RAMP3: variants seen among roughly 807,000 people sequenced by gnomAD.
RAMP3 encodes the protein receptor activity-modifying protein 3.
A neutral mutation model predicts 13.5 loss-of-function variants in RAMP3; 14 were observed. The ratio of observed to expected loss-of-function variants is 1.04; its 90% confidence interval spans 0.69 to 1.63. RAMP3 has a LOEUF of 1.63. Ranked by LOEUF, RAMP3 falls within the 40% of genes most tolerant of loss-of-function variation. RAMP3 has a pLI of 0.00. For synonymous variants in RAMP3, 106 were observed against 88.3 expected, an observed-to-expected ratio of 1.20 and a Z score of -1.12; for missense variants, 200 against 204.8, an observed-to-expected ratio of 0.98 and a Z score of 0.14.
At chr7:45,165,409 T>C (rs1486033635) in intron 1 of RAMP3, among the ~76,000 whole-genome samples, 3 of 152,254 alleles carry the variant, frequency 2.0e-5, no homozygotes, top group Non-Finnish European at 2.9e-5. Flanking sequence ...TTCCTTTGCA[T>C]AGGTCCATAT....
intron 1 of RAMP3, among the ~76,000 whole-genome samples, chr7:45,169,656 G>A (rs567308772): frequency 6.6e-6 from 1 of 152,252 alleles, no homozygotes; most frequent in African/African-American, 2.4e-5. Context: ...GCTTGCAGTA[G>A]CATCACTCCC....
chr7:45,177,168 G>A, intron 1 of RAMP3, 141 bp from the exon 2 acceptor site: 1 of 1,093,360 alleles, frequency 9.1e-7, no homozygotes. Context: ...GGTGGAGGGT[G>A]AAGGACTCCG....
chr7:45,164,593 CTTT>C (rs1353453545), intron 1 of RAMP3, among the ~76,000 whole-genome samples: 2 of 151,814 alleles, frequency 1.3e-5, no homozygotes, highest in African/African-American at 4.8e-5. Flanking sequence ...TTGTCATTTT[CTTT>C]TTGTAGTTCT....
intron 1 of RAMP3, among the ~76,000 whole-genome samples, chr7:45,164,866 G>A (rs531110652): frequency 2.6e-5 from 4 of 152,096 alleles, no homozygotes; most frequent in African/African-American, 9.7e-5. Flanking sequence ...TTGGATTCTT[G>A]TTGGCAGCCT....
intron 1 of RAMP3, among the ~76,000 whole-genome samples, chr7:45,175,654 G>A (rs1166789632): frequency 6.6e-6 from 1 of 152,092 alleles, no homozygotes; most frequent in Admixed American, 6.5e-5. Context: ...CCTCTGTGGG[G>A]TTCCAGCTAA....
At position 45,183,772 on chromosome 7, in the gene RAMP3, A is replaced by G. The variant is rs934028783; in HGVS notation, c.*360A>G. ...TGTTTCTTAGCACAGAATCCAGCCTAGCCTTAGCCGCAGTCTAGGCCCTGC... is the reference window on the plus strand; with the variant it reads ...TGTTTCTTAGCACAGAATCCAGCCTGGCCTTAGCCGCAGTCTAGGCCCTGC... On this transcript the variant is annotated 3_prime_UTR_variant, in exon 3 of 3. Coordinates refer to ENST00000242249, the MANE Select transcript of RAMP3 (RefSeq NM_005856.3). 5.6e-6 allele frequency: 3 copies of G among 539,848 alleles called. No individual in the cohort carries two copies. Among genetic ancestry groups the G allele is most frequent in the Non-Finnish European group, 9.8e-6 (3 of 305,280 alleles). The allele number at this position is 539,848 out of a possible 1,614,324, so 33.4% of individuals were successfully genotyped here.
At chr7:45,176,117 A>G (rs932962971) in intron 1 of RAMP3, among the ~76,000 whole-genome samples, 6 of 152,124 alleles carry the variant, frequency 3.9e-5, no homozygotes, top group African/African-American at 1.4e-4. Context: ...ATTTCAGACT[A>G]AGTTAGCCAG....
At position 45,177,415 on chromosome 7, in the gene RAMP3, G is replaced by A. The variant is rs574666147; in HGVS notation, c.165G>A (p.Lys55=). 5.3e-5 allele frequency: 86 copies of A among 1,614,140 alleles called. 2 individuals carry two copies. In the Middle Eastern group the frequency reaches 9.9e-4, roughly 19 times the overall value. ...TGATGGGCAAGGTGGACGTCTGGAA[G>A]TGGTGCAACCTGTCCGAGTTCATCG... ...ADMMGKVDVW[K]WCNLSEFIVY... is the part of the protein sequence containing the mutation. The change falls in exon 2 of 3, where the codon AAG becomes AAA. Residue 55 remains lysine, a synonymous_variant. Transcript: ENST00000242249.
chr7:45,163,009 G>T (rs1785893178), intron 1 of RAMP3, among the ~76,000 whole-genome samples: 1 of 152,232 alleles, frequency 6.6e-6, no homozygotes, highest in African/African-American at 2.4e-5. Flanking sequence ...ATTGCTTGAG[G>T]TCTTCAGGTG....
intron 2 of RAMP3, 141 bp downstream of exon 2, chr7:45,177,582 G>A (rs1786218016): frequency 3.4e-5 from 43 of 1,260,874 alleles, no homozygotes; most frequent in Non-Finnish European, 1.6e-5. Context: ...GCCACCCACA[G>A]CCCTTTCATG....
At chr7:45,166,499 T>C (rs1321651426) in intron 1 of RAMP3, among the ~76,000 whole-genome samples, 1 of 152,204 alleles carries the variant, frequency 6.6e-6, no homozygotes, top group African/African-American at 2.4e-5. Context: ...CCATTTTTAA[T>C]TGCTTTATTT....
chr7:45,164,681 T>G (rs892384396), intron 1 of RAMP3, among the ~76,000 whole-genome samples: 2 of 152,272 alleles, frequency 1.3e-5, no homozygotes, highest in African/African-American at 4.8e-5. Context: ...CTTGATGAAT[T>G]GAGCCCTTTA....
chr7:45,164,156 G>C (rs1785915872), intron 1 of RAMP3, among the ~76,000 whole-genome samples: 1 of 152,088 alleles, frequency 6.6e-6, no homozygotes, highest in Non-Finnish European at 1.5e-5. Flanking sequence ...CTGTGCTCCT[G>C]CCTGTGCCCT....
At chr7:45,177,771 C>G (rs1189222470) in intron 2 of RAMP3, among the ~76,000 whole-genome samples, 2 of 152,218 alleles carry the variant, frequency 1.3e-5, no homozygotes, top group South Asian at 2.1e-4. Context: ...TCCTACCCCC[C>G]ATTCCGCATC....
intron 2 of RAMP3, 70 bp downstream of exon 2, chr7:45,177,511 C>CT (rs1287358196): frequency 6.9e-6 from 11 of 1,599,352 alleles, no homozygotes; most frequent in Non-Finnish European, 9.4e-6. Context: ...CACTGCCTGA[C>CT]CACAGCCTGA....
At chr7:45,178,692 C>T (rs1419006569) in intron 2 of RAMP3, among the ~76,000 whole-genome samples, 1 of 152,228 alleles carries the variant, frequency 6.6e-6, no homozygotes, top group African/African-American at 2.4e-5. Flanking sequence ...CTGGAATGGA[C>T]CCACTGGTGG....
intron 1 of RAMP3, among the ~76,000 whole-genome samples, chr7:45,167,598 T>C (rs2128656187): frequency 6.6e-6 from 1 of 151,896 alleles, no homozygotes; most frequent in African/African-American, 2.4e-5. Flanking sequence ...AGTTTCATTC[T>C]TGTTGCCCAG....
chr7:45,161,677 G>A (rs948444791), intron 1 of RAMP3, among the ~76,000 whole-genome samples: 1 of 151,702 alleles, frequency 6.6e-6, no homozygotes, highest in East Asian at 1.9e-4. Flanking sequence ...AAGAGAGGAA[G>A]AAGGGGAAGG....
chr7:45,162,054 C>T (rs111232990), intron 1 of RAMP3, among the ~76,000 whole-genome samples: 3 of 152,314 alleles, frequency 2.0e-5, no homozygotes, highest in Admixed American at 6.5e-5. Flanking sequence ...GGTGCACAGG[C>T]CGCCTTAGTC....
Sources: allele counts gnomAD v4.1 joint callset (sites outside exome capture counted in the v4.1 genomes callset), GRCh38; gene constraint gnomAD v4.1.1; transcripts MANE v1.5; gene names NCBI Gene and HGNC (gene_info 2026-07-23, HGNC 2026-07-21).